Variants in ARID3A observed in about 807,000 individuals in gnomAD.
ARID3A encodes AT-rich interactive domain-containing protein 3A.
In ARID3A, 11 loss-of-function variants were observed where a neutral mutation model predicts 52.7. The ratio of observed to expected loss-of-function variants is 0.21; its 90% CI spans 0.13 to 0.35. The LOEUF is 0.35. Ranked by LOEUF, ARID3A falls within the 10% of genes least tolerant of loss-of-function variation. The probability of loss-of-function intolerance (pLI) is 1.00; values close to 1 mark genes in which losing one functional copy is unlikely to be tolerated. For synonymous variants in ARID3A, 404 were observed against 359.4 expected (o/e 1.12, Z -1.40); for missense variants, 721 against 838.5 (o/e 0.86, Z 1.73).
rs2037283232 is a variant in ARID3A at position 929,814 on chromosome 19, GA to G, written c.287del (p.Glu96GlyfsTer28). On this transcript the variant is annotated frameshift_variant, in exon 2 of 9. Coordinates refer to ENST00000263620, the MANE Select transcript of ARID3A (RefSeq NM_005224.3). LOFTEE classifies it high-confidence loss of function. The surrounding 1 kb of genome is among the most constrained non-coding windows in gnomAD (Gnocchi z 6.2). Reference protein sequence around the residue: ...PGSEEEDAAREGTPGSPGRGR... With the variant: ...PGSEEEDAARXGTPGSPGRGR... ...CTCGGAGGAGGAGGACGCGGCCCGG[GA>G]GGGGACACCGGGCTCACCCGGGCGA... The G allele has an allele frequency of 6.5e-7, 1 of 1,546,124 alleles. No homozygotes were observed. The highest frequency in any genetic ancestry group is 1.4e-5 in the African/African-American group (1 of 73,228).
In ARID3A at chr19:974,665, C is replaced by G; in HGVS notation, c.*2600C>G. On this transcript the variant is annotated 3_prime_UTR_variant, in exon 9 of 9. Transcript: ENST00000263620. ...GGCGGCCCTGGACCCCTGGGGCCCC[C>G]GTGCACCTGCCCACCTCGGAGCCTG... 4.3e-6 allele frequency: 1 copy of G among 231,178 alleles called. No homozygotes were observed. The highest frequency in any genetic ancestry group is 6.1e-5 in the East Asian group (1 of 16,394). 14.3% of individuals were successfully genotyped at this position (231,178 alleles called of 1,614,324 possible).
At position 961,305 on chromosome 19, in the gene ARID3A, G is replaced by C. The variant is rs186061983; in HGVS notation, c.766+1141G>C. 5.3e-3 allele frequency among the ~76,000 whole-genome samples: 803 copies of C among 152,304 alleles called. 2 individuals carry two copies. The highest frequency in any genetic ancestry group is 9.0e-3 in the Non-Finnish European group (613 of 68,014). ...CACTGCCAGCCGCCCGGAAGGGAAG[G>C]AGGAGGAGGGTTGTGGGCCCCCTGG... On this transcript the variant is annotated intron_variant, in intron 4 of 8. Coordinates refer to ENST00000263620, the MANE Select transcript of ARID3A (RefSeq NM_005224.3).
chr19:931,578 C>T (rs1360281349), intron 2 of ARID3A, among the ~76,000 whole-genome samples: 1 of 151,974 alleles, frequency 6.6e-6, no homozygotes, highest in Non-Finnish European at 1.5e-5. Flanking sequence ...TTTGGGAGGC[C>T]GAGGTGGGCG....
rs754456315 is a variant in ARID3A at position 973,630 on chromosome 19, C to T, written c.*1565C>T. ...ACTCAGGGTGAGGATTTCAGGGCCC[C>T]GGCATCCTGAACACCCCCCACACCC... On this transcript the variant is annotated 3_prime_UTR_variant, in exon 9 of 9. Transcript: ENST00000263620. 8.9e-6 allele frequency: 2 copies of T among 224,878 alleles called. No individual in the cohort carries two copies. Among genetic ancestry groups the T allele is most frequent in the African/African-American group, 2.2e-5 (1 of 44,780 alleles). The allele number at this position is 224,878 out of a possible 1,614,324, so 13.9% of individuals were successfully genotyped here.
rs1423226940 is a variant in ARID3A at position 929,723 on chromosome 19, G to C, written c.195G>C (p.Met65Ile). ...CTCAGATGGCCGCACTGGCAGCCAT[G>C]CGGGCTGCAGCTGCGGGCCTGGGAC... is the stretch of plus-strand genomic sequence containing the variant. ...QRAQMAALAA[M>I]RAAAAGLGHP... is the part of the protein sequence containing the mutation. Residue 65 changes from methionine (M) to isoleucine (I), a missense_variant, in exon 2 of 9, where the codon ATG (methionine) becomes ATC (isoleucine). Around this residue, in one of 5 missense-constraint regions of ARID3A, gnomAD observed 349 missense variants for 297.3 expected, o/e 1.17. Coordinates refer to ENST00000263620, the MANE Select transcript of ARID3A (RefSeq NM_005224.3). This position sits in a 1 kb window ranked among gnomAD's most constrained non-coding sequence, Gnocchi z 6.2. 6.4e-7 allele frequency: 1 copy of C among 1,561,354 alleles called. No individual in the cohort carries two copies. The highest frequency in any genetic ancestry group is 8.6e-7 in the Non-Finnish European group (1 of 1,161,518).
chr19:975,762 C>T lies in ARID3A; in HGVS notation c.*3697C>T, dbSNP rs1312243462. 9.7e-6 allele frequency: 1 copy of T among 102,902 alleles called. No homozygotes were observed. Among genetic ancestry groups the T allele is most frequent in the Non-Finnish European group, 2.1e-5 (1 of 46,604 alleles). The allele number at this position is 102,902 out of a possible 1,614,324, so 6.4% of individuals were successfully genotyped here. A position where few individuals can be genotyped will look rare whatever the true frequency, so the allele number is the denominator to read the frequency against. ...AAAAAAAAAAAAAAAGACAAAAAGACCAAAAAAAAAAAAAAGTGTGATTTT... is the reference window on the plus strand; with the variant it reads ...AAAAAAAAAAAAAAAGACAAAAAGATCAAAAAAAAAAAAAAGTGTGATTTT... On this transcript the variant is annotated 3_prime_UTR_variant, in exon 9 of 9. Coordinates refer to ENST00000263620, the MANE Select transcript of ARID3A (RefSeq NM_005224.3).
intron 1 of ARID3A, chr19:928,158 G>A (rs1467227789): frequency 2.0e-5 from 3 of 152,414 alleles, no homozygotes; most frequent in African/African-American, 4.8e-5. Context: ...TAAGGGTTGG[G>A]GGTGGCCTCC....
Position 929,962 on chromosome 19 carries a change from T to C in ARID3A, c.368+66T>C. The C allele has an allele frequency of 6.5e-7, 1 of 1,527,448 alleles. No individual in the cohort carries two copies. Among genetic ancestry groups the C allele is most frequent in the Non-Finnish European group, 8.8e-7 (1 of 1,141,820 alleles). 94.6% of individuals were successfully genotyped at this position (1,527,448 alleles called of 1,614,324 possible). On this transcript the variant is annotated intron_variant, in intron 2 of 8. Coordinates refer to ENST00000263620, the MANE Select transcript of ARID3A (RefSeq NM_005224.3). The surrounding 1 kb of genome is among the most constrained non-coding windows in gnomAD (Gnocchi z 6.2). ...CTGGCTCTGAGTGTCACTCTGCTCATCTGCAGAATGGGAGTAAGGGTCAGG... is the reference window on the plus strand; with the variant it reads ...CTGGCTCTGAGTGTCACTCTGCTCACCTGCAGAATGGGAGTAAGGGTCAGG...
intron 6 of ARID3A, among the ~76,000 whole-genome samples, chr19:965,447 C>T (rs528671246): frequency 1.6e-4 from 24 of 151,660 alleles, no homozygotes; most frequent in Non-Finnish European, 3.2e-4. Flanking sequence ...GAGGTACCAA[C>T]AGCACACACA....
rs1048818924 is a variant in ARID3A at position 929,362 on chromosome 19, GGCCCCC to G, written c.-154_-149del. The G allele has an allele frequency of 6.5e-5, 22 of 336,294 alleles. No homozygotes were observed. The highest frequency in any genetic ancestry group is 9.7e-5 in the Non-Finnish European group (21 of 216,896). The allele number at this position is 336,294 out of a possible 1,614,324, so 20.8% of individuals were successfully genotyped here. A position where few individuals can be genotyped will look rare whatever the true frequency, so the allele number is the denominator to read the frequency against. On this transcript the variant is annotated 5_prime_UTR_variant, in exon 2 of 9. Coordinates refer to ENST00000263620, the MANE Select transcript of ARID3A (RefSeq NM_005224.3). This position sits in a 1 kb window ranked among gnomAD's most constrained non-coding sequence, Gnocchi z 6.2. ...CATCAGCCTTCAGCTTGAGCCCGGC[GGCCCCC>G]GCCCCCGCCCCCTGCCACCCTGCAC...
In ARID3A at chr19:929,570, G is replaced by A. The variant is rs1007504657; in HGVS notation, c.42G>A (p.Gln14=). The change falls in exon 2 of 9, where the codon CAG becomes CAA. Residue 14 remains glutamine (Q), a synonymous_variant. Coordinates refer to ENST00000263620, the MANE Select transcript of ARID3A (RefSeq NM_005224.3). The surrounding 1 kb of genome is among the most constrained non-coding windows in gnomAD (Gnocchi z 6.2). ...TGATGGAGACGCTGTTGCAGCGGCAGCAGCGGGCGCGCCAGGAGCTGGAGG... is the reference window on the plus strand; with the variant it reads ...TGATGGAGACGCTGTTGCAGCGGCAACAGCGGGCGCGCCAGGAGCTGGAGG... ...QAVMETLLQR[Q]QRARQELEAR... 10 of 1,523,074 alleles carry A rather than the reference G, an allele frequency of 6.6e-6. No individual in the cohort carries two copies. The highest frequency in any genetic ancestry group is 1.4e-5 in the African/African-American group (1 of 71,184). 94.3% of individuals were successfully genotyped at this position (1,523,074 alleles called of 1,614,324 possible).
intron 3 of ARID3A, among the ~76,000 whole-genome samples, chr19:937,159 C>G (rs28768802): frequency 6.6e-6 from 1 of 151,380 alleles, no homozygotes; most frequent in Admixed American, 6.6e-5. Context: ...TCCCAGCACT[C>G]GGGAGGTTGA....
chr19:974,297 G>T lies in ARID3A; in HGVS notation c.*2232G>T, dbSNP rs919853821. The T allele has an allele frequency of 4.4e-6, 1 of 228,448 alleles. No homozygotes were observed. Among genetic ancestry groups the T allele is most frequent in the African/African-American group, 2.2e-5 (1 of 45,004 alleles). 14.2% of individuals were successfully genotyped at this position (228,448 alleles called of 1,614,324 possible). ...GACACACACCCCCTTTCCAGGAGGG[G>T]GTGGTGGGCGTCTAGGTTTTCCTTG... On this transcript the variant is annotated 3_prime_UTR_variant, in exon 9 of 9. Transcript: ENST00000263620.
At chr19:939,615 G>A (rs1033712471) in intron 3 of ARID3A, among the ~76,000 whole-genome samples, 1 of 152,096 alleles carries the variant, frequency 6.6e-6, no homozygotes, top group Non-Finnish European at 1.5e-5. Context: ...TTCCGGGCAG[G>A]TCGGGAGGTT....
Position 929,852 on chromosome 19 carries a change from G to A in ARID3A, c.324G>A (p.Gly108=). Residue 108 remains glycine (G), a synonymous_variant, in exon 2 of 9, where the codon GGG becomes GGA. Transcript: ENST00000263620. The surrounding 1 kb of genome is among the most constrained non-coding windows in gnomAD (Gnocchi z 6.2). ...TPGSPGRGRE[G]PGEEHFEDMA... ...GCTCACCCGGGCGAGGCAGAGAAGG[G>A]CCAGGAGAGGAGCACTTTGAGGACA... is the stretch of plus-strand genomic sequence containing the variant. 1.3e-6 allele frequency: 2 copies of A among 1,544,628 alleles called. No individual in the cohort carries two copies. Among genetic ancestry groups the A allele is most frequent in the Admixed American group, 2.0e-5 (1 of 51,026 alleles).
intron 3 of ARID3A, among the ~76,000 whole-genome samples, chr19:934,859 C>A (rs2037406832): frequency 6.6e-6 from 1 of 152,198 alleles, no homozygotes; most frequent in Admixed American, 6.5e-5. Context: ...CTGCCTCACT[C>A]AGCTTCCCAA....
At chr19:968,224 G>A (rs2038201592) in intron 7 of ARID3A, among the ~76,000 whole-genome samples, 181 bp from the exon 8 acceptor site, 1 of 151,396 alleles carries the variant, frequency 6.6e-6, no homozygotes, top group African/African-American at 2.4e-5. Context: ...GCCAGGCGTG[G>A]TGGCGGGCGC....
chr19:954,694 T>C lies in ARID3A; in HGVS notation c.694-5398T>C, dbSNP rs1210745104. Among the ~76,000 whole-genome samples the C allele has an allele frequency of 2.6e-5, 4 of 151,938 alleles. No individual in the cohort carries two copies. The East Asian group carries it at 5.8e-4, about 22-fold the overall frequency. The stretch of plus-strand genomic sequence containing the variant: ...GAGCAGAGCATCTGCGGAGGTGATA[T>C]CGGTCCTGGGAGGACGGGGGGCTCC... On this transcript the variant is annotated intron_variant, in intron 3 of 8. Transcript: ENST00000263620.
chr19:932,287 T>A, intron 2 of ARID3A, 131 bp from the exon 3 acceptor site: 1 of 1,507,662 alleles, frequency 6.6e-7, no homozygotes, highest in Non-Finnish European at 8.9e-7. Context: ...CTCTCTGCAG[T>A]CTGAGCTGGC....
Sources: allele counts gnomAD v4.1 joint callset (sites outside exome capture counted in the v4.1 genomes callset), GRCh38; gene constraint gnomAD v4.1.1; regional missense constraint gnomAD v4.1.1; non-coding constraint Gnocchi (gnomAD v3.1); transcripts MANE v1.5; gene names NCBI Gene and HGNC (gene_info 2026-07-23, HGNC 2026-07-21).